Variants in NRG3 observed in about 807,000 individuals in gnomAD.
NRG3 encodes pro-neuregulin-3, membrane-bound isoform.
Under a neutral mutation model 66.9 loss-of-function variants are expected in NRG3, and 31 were observed. The ratio of observed to expected loss-of-function variants is 0.46; its 90% CI spans 0.35 to 0.63. The LOEUF (loss-of-function observed/expected upper bound fraction) is 0.63. NRG3 is among the 20% of genes least tolerant of loss of function. The probability of loss-of-function intolerance (pLI) is 0.00; values close to 1 mark genes in which losing one functional copy is unlikely to be tolerated. For missense variants in NRG3, 910 were observed against 878.9 expected, an observed-to-expected ratio of 1.04 and a Z score of -0.45; for synonymous variants, 393 against 359.4, an observed-to-expected ratio of 1.09 and a Z score of -1.06.
At chr10:82,924,579 A>G (rs528164929) in intron 4 of NRG3, among the ~76,000 whole-genome samples, 88 of 39,956 alleles carry the variant, frequency 2.2e-3, no homozygotes, top group African/African-American at 0.013. Flanking sequence ...ATCTCACATT[A>G]AAAAAAAAAA....
chr10:81,963,250 C>T (rs1403631766), intron 1 of NRG3, among the ~76,000 whole-genome samples: 1 of 148,476 alleles, frequency 6.7e-6, no homozygotes, highest in Non-Finnish European at 1.5e-5. Flanking sequence ...TCTCCTGCCT[C>T]AGCCTCCCAA....
At chr10:81,883,831 A>G (rs1162748886) in intron 1 of NRG3, among the ~76,000 whole-genome samples, 1 of 152,128 alleles carries the variant, frequency 6.6e-6, no homozygotes, top group Admixed American at 6.5e-5. Context: ...TCATTTTTGT[A>G]GCTTGAATTT....
chr10:82,350,028 G>T (rs375348818), intron 1 of NRG3, among the ~76,000 whole-genome samples: 2 of 152,136 alleles, frequency 1.3e-5, no homozygotes, highest in Non-Finnish European at 2.9e-5. Flanking sequence ...CGTCTTCTGC[G>T]TCGCTCACGC....
intron 4 of NRG3, among the ~76,000 whole-genome samples, chr10:82,885,371 TC>T (rs1842637657): frequency 2.0e-5 from 3 of 152,156 alleles, no homozygotes; most frequent in Non-Finnish European, 4.4e-5. Context: ...GATTCCATGG[TC>T]CGGGGAGATT....
At chr10:82,618,448 G>A (rs116600471) in intron 2 of NRG3, among the ~76,000 whole-genome samples, 311 of 152,210 alleles carry the variant, frequency 2.0e-3, no homozygotes, top group African/African-American at 7.0e-3. Context: ...TAATTCATTA[G>A]GAAAGAGTGT....
chr10:82,801,510 C>G (rs1026159722), intron 3 of NRG3, among the ~76,000 whole-genome samples: 7 of 152,118 alleles, frequency 4.6e-5, no homozygotes, highest in Non-Finnish European at 7.4e-5. Flanking sequence ...TTACAGCCAT[C>G]AAGCTGTGGC....
At chr10:82,435,331 CTCT>C (rs1290396662) in intron 2 of NRG3, among the ~76,000 whole-genome samples, 2 of 152,056 alleles carry the variant, frequency 1.3e-5, no homozygotes, top group African/African-American at 2.4e-5. Context: ...TGATGCTTCT[CTCT>C]TCTTCTTCTT....
chr10:82,763,746 C>T (rs1389333813), intron 3 of NRG3, among the ~76,000 whole-genome samples: 1 of 151,904 alleles, frequency 6.6e-6, no homozygotes, highest in Non-Finnish European at 1.5e-5. Flanking sequence ...AGTATGGTGG[C>T]CATTGGTCAT....
rs2060806698 is a variant in NRG3 at position 81,993,229 on chromosome 10, G to A, written c.823+117066G>A. 2.6e-5 allele frequency among the ~76,000 whole-genome samples: 4 copies of A among 152,266 alleles called. 1 individual carries two copies. The South Asian group carries it at 8.3e-4, about 32-fold the overall frequency. On this transcript the variant is annotated intron_variant, in intron 1 of 8. Coordinates refer to ENST00000372141, the MANE Select transcript of NRG3 (RefSeq NM_001010848.4). ...TTAGCATTATAATAAAAGAACATAG[G>A]AAAGATATAGTCTACTGTTCTCATT...
intron 1 of NRG3, among the ~76,000 whole-genome samples, chr10:82,092,184 A>G (rs762608175): frequency 4.6e-5 from 7 of 152,200 alleles, no homozygotes; most frequent in East Asian, 1.9e-4. Flanking sequence ...ACTTAAAGAC[A>G]TGGCATCTCA....
At chr10:82,124,567 G>A (rs1387109702) in intron 1 of NRG3, among the ~76,000 whole-genome samples, 1 of 151,706 alleles carries the variant, frequency 6.6e-6, no homozygotes, top group Admixed American at 6.6e-5. Flanking sequence ...GCCTGTCGGG[G>A]GGTGGAGGGC....
intron 1 of NRG3, among the ~76,000 whole-genome samples, chr10:82,117,333 A>G (rs1437942477): frequency 1.3e-5 from 2 of 152,070 alleles, no homozygotes; most frequent in South Asian, 2.1e-4. Flanking sequence ...CCTGTTCCCA[A>G]TCTGATAACT....
At chr10:82,531,832 A>G (rs1329564434) in intron 2 of NRG3, among the ~76,000 whole-genome samples, 1 of 151,916 alleles carries the variant, frequency 6.6e-6, no homozygotes, top group East Asian at 1.9e-4. Context: ...ATTTAACATG[A>G]TACCTACCCT....
intron 1 of NRG3, among the ~76,000 whole-genome samples, chr10:81,880,461 A>T (rs1448640656): frequency 6.6e-6 from 1 of 152,182 alleles, no homozygotes; most frequent in Admixed American, 6.5e-5. Flanking sequence ...AAGCTTTTCT[A>T]AATTCAGGTT....
At chr10:82,175,117 A>G (rs1304744322) in intron 1 of NRG3, among the ~76,000 whole-genome samples, 2 of 152,066 alleles carry the variant, frequency 1.3e-5, no homozygotes, top group Non-Finnish European at 2.9e-5. Flanking sequence ...ACCTACCCTT[A>G]TATGGCCTTG....
chr10:82,654,096 A>AT (rs894984585), intron 2 of NRG3, among the ~76,000 whole-genome samples: 15 of 151,912 alleles, frequency 9.9e-5, no homozygotes, highest in South Asian at 6.2e-4. Context: ...TAGAAATACC[A>AT]TTTTTTTTCC....
At chr10:82,011,243 A>G (rs2061562167) in intron 1 of NRG3, among the ~76,000 whole-genome samples, 1 of 152,128 alleles carries the variant, frequency 6.6e-6, no homozygotes, top group Admixed American at 6.5e-5. Context: ...CAGGCAAGAG[A>G]GCTTGTTTAG....
intron 2 of NRG3, among the ~76,000 whole-genome samples, chr10:82,579,636 G>A (rs1011533027): frequency 8.6e-5 from 13 of 151,922 alleles, no homozygotes; most frequent in East Asian, 5.8e-4. Context: ...AAAATTTGTA[G>A]CATCTTGCTT....
chr10:82,375,215 T>A (rs2085139502), intron 2 of NRG3, among the ~76,000 whole-genome samples: 1 of 152,194 alleles, frequency 6.6e-6, no homozygotes, highest in African/African-American at 2.4e-5. Flanking sequence ...TAAGTTCATC[T>A]AGGATAACTC....
Sources: allele counts gnomAD v4.1 joint callset (sites outside exome capture counted in the v4.1 genomes callset), GRCh38; gene constraint gnomAD v4.1.1; transcripts MANE v1.5; gene names NCBI Gene and HGNC (gene_info 2026-07-23, HGNC 2026-07-21).